EDNRA: variants seen among roughly 807,000 people sequenced by gnomAD.
EDNRA encodes endothelin-1 receptor.
A neutral mutation model predicts 41.4 loss-of-function variants in EDNRA; 11 were observed. That is an observed-to-expected ratio of 0.27 (90% CI 0.17 to 0.44). The LOEUF is 0.44. Ranked by LOEUF, EDNRA falls within the 20% of genes least tolerant of loss-of-function variation. The probability of loss-of-function intolerance (pLI) is 1.00; values close to 1 mark genes in which losing one functional copy is unlikely to be tolerated. For synonymous variants in EDNRA, 172 were observed against 183.0 expected (o/e 0.94, Z 0.49); for missense variants, 294 against 531.0 (o/e 0.55, Z 4.39).
At chr4:147,515,011 G>C (rs1730064331) in intron 2 of EDNRA, among the ~76,000 whole-genome samples, 1 of 152,162 alleles carries the variant, frequency 6.6e-6, no homozygotes, top group Admixed American at 6.5e-5. Flanking sequence ...AGCCATCTGT[G>C]TTTCAATGAG....
At chr4:147,503,927 A>G (rs542061662) in intron 2 of EDNRA, among the ~76,000 whole-genome samples, 1 of 152,266 alleles carries the variant, frequency 6.6e-6, no homozygotes, top group African/African-American at 2.4e-5. Flanking sequence ...ATGTTAACAT[A>G]AATGATATAT....
intron 3 of EDNRA, among the ~76,000 whole-genome samples, chr4:147,521,367 C>T (rs1050776115): frequency 2.0e-5 from 3 of 152,116 alleles, no homozygotes; most frequent in Non-Finnish European, 4.4e-5. Context: ...TAATAATACC[C>T]TTCAGTGATT....
intron 2 of EDNRA, among the ~76,000 whole-genome samples, chr4:147,516,097 C>T (rs191345736): frequency 5.6e-4 from 85 of 152,260 alleles, no homozygotes; most frequent in Non-Finnish European, 1.1e-3. Context: ...AAATCCTGGC[C>T]CAGCAGATTG....
At position 147,519,882 on chromosome 4, in the gene EDNRA, A is replaced by AT; in HGVS notation, c.453dup (p.Asp152Ter). 6.2e-7 allele frequency: 1 copy of AT among 1,613,330 alleles called. No homozygotes were observed. Among genetic ancestry groups the AT allele is most frequent in the Non-Finnish European group, 8.5e-7 (1 of 1,179,600 alleles). ...GCTGGGCGCTGGCCTTTTGATCACA[A>AT]TGACTTTGGCGTATTTCTTTGCAAG... is the stretch of plus-strand genomic sequence containing the variant. On this transcript the variant is annotated frameshift_variant, in exon 3 of 8. Coordinates refer to ENST00000651419, the MANE Select transcript of EDNRA (RefSeq NM_001957.4). LOFTEE classifies it high-confidence loss of function. The surrounding 1 kb of genome is among the most constrained non-coding windows in gnomAD (Gnocchi z 4.1).
chr4:147,512,965 G>T (rs748698553), intron 2 of EDNRA, among the ~76,000 whole-genome samples: 14 of 152,118 alleles, frequency 9.2e-5, no homozygotes, highest in Non-Finnish European at 1.6e-4. Flanking sequence ...CCTTCCTCTG[G>T]ATTCTCTCTT....
chr4:147,510,802 T>C (rs1729892993), intron 2 of EDNRA, among the ~76,000 whole-genome samples: 1 of 152,212 alleles, frequency 6.6e-6, no homozygotes, highest in African/African-American at 2.4e-5. Flanking sequence ...AAGCACTCTT[T>C]CACGGGAAGA....
intron 2 of EDNRA, among the ~76,000 whole-genome samples, chr4:147,517,134 T>G (rs1405543589): frequency 6.6e-6 from 1 of 152,202 alleles, no homozygotes; most frequent in African/African-American, 2.4e-5. Flanking sequence ...TTATATAAGC[T>G]TTTATACAGC....
chr4:147,502,027 C>G (rs915704596), intron 2 of EDNRA, among the ~76,000 whole-genome samples: 1 of 152,140 alleles, frequency 6.6e-6, no homozygotes, highest in African/African-American at 2.4e-5. Flanking sequence ...TTAGGCATTT[C>G]TCTTTCCTTT....
Position 147,485,828 on chromosome 4 carries a change from T to TA in EDNRA, c.148dup (p.Thr50AsnfsTer7). On this transcript the variant is annotated frameshift_variant, in exon 2 of 8. Coordinates refer to ENST00000651419, the MANE Select transcript of EDNRA (RefSeq NM_001957.4). LOFTEE classifies it high-confidence loss of function. ...GTGGCACAGAGCTCAGCTTCCTGGT[T>TA]ACCACTCATCAACCCACTAATTTGG... 6.2e-7 allele frequency: 1 copy of TA among 1,614,264 alleles called. No individual in the cohort carries two copies. Among genetic ancestry groups the TA allele is most frequent in the Non-Finnish European group, 8.5e-7 (1 of 1,180,046 alleles).
At chr4:147,514,160 G>GT in intron 2 of EDNRA, among the ~76,000 whole-genome samples, 1 of 152,176 alleles carries the variant, frequency 6.6e-6, no homozygotes. Flanking sequence ...CTTGTGGCAG[G>GT]TATGAGAACT....
intron 3 of EDNRA, chr4:147,520,528 C>T (rs372458706): frequency 5.7e-5 from 29 of 511,416 alleles, no homozygotes; most frequent in African/African-American, 2.1e-4. Context: ...AGAATCCGCA[C>T]GCATGATTGT....
At chr4:147,495,267 T>C (rs1729266602) in intron 2 of EDNRA, 1 of 152,190 alleles carries the variant, frequency 6.6e-6, no homozygotes, top group African/African-American at 2.4e-5. Context: ...GTACTGTTCT[T>C]CCACACACCT....
At chr4:147,505,615 T>G (rs1458984384) in intron 2 of EDNRA, among the ~76,000 whole-genome samples, 2 of 149,670 alleles carry the variant, frequency 1.3e-5, no homozygotes, top group Non-Finnish European at 3.0e-5. Context: ...GTGCTGTGAT[T>G]ACAGGCGTAA....
chr4:147,502,495 G>C (rs1424567898), intron 2 of EDNRA, among the ~76,000 whole-genome samples: 1 of 152,168 alleles, frequency 6.6e-6, no homozygotes, highest in East Asian at 1.9e-4. Flanking sequence ...AACTTGAACA[G>C]CTTTTTGATA....
At chr4:147,512,506 A>G (rs757385044) in intron 2 of EDNRA, among the ~76,000 whole-genome samples, 5 of 152,246 alleles carry the variant, frequency 3.3e-5, no homozygotes, top group African/African-American at 4.8e-5. Flanking sequence ...ATCTCTTTCC[A>G]TCTAAATGCA....
At chr4:147,533,123 TGG>T (rs1730809927) in intron 4 of EDNRA, among the ~76,000 whole-genome samples, 1 of 152,166 alleles carries the variant, frequency 6.6e-6, no homozygotes, top group Non-Finnish European at 1.5e-5. Flanking sequence ...TTATGTCACT[TGG>T]GGAGAAGCAC....
chr4:147,512,020 T>G (rs942014281), intron 2 of EDNRA, among the ~76,000 whole-genome samples: 1 of 152,212 alleles, frequency 6.6e-6, no homozygotes, highest in Admixed American at 6.5e-5. Flanking sequence ...CTCTCCATTA[T>G]GAATTAAACC....
In EDNRA at chr4:147,505,215, A is replaced by AG. The variant is rs1046606347; in HGVS notation, c.421-14636_421-14635insG. Among the ~76,000 whole-genome samples the AG allele has an allele frequency of 1.9e-3, 252 of 134,630 alleles. 3 individuals carry two copies. The highest frequency in any genetic ancestry group is 6.9e-3 in the African/African-American group (231 of 33,318). The allele number at this position is 134,630 out of a possible 152,430, so 88.3% of individuals were successfully genotyped here. ...ATGGCTAAAATGTAAAAAAAAAAAA[A>AG]AGAGAGAGAGAGAGAGAGACAACAT... On this transcript the variant is annotated intron_variant, in intron 2 of 7. Transcript: ENST00000651419.
Position 147,481,124 on chromosome 4 carries a change from G to T in EDNRA, c.-323G>T, listed in dbSNP as rs1728734819. ...TCATCCCGCTGGTCTGACGATTGTG[G>T]AGAGGCGGTGGAGAGGCTTCATCCA... On this transcript the variant is annotated 5_prime_UTR_variant, in exon 1 of 8. Coordinates refer to ENST00000651419, the MANE Select transcript of EDNRA (RefSeq NM_001957.4). 6.6e-6 allele frequency: 1 copy of T among 152,306 alleles called. No individual in the cohort carries two copies. Among genetic ancestry groups the T allele is most frequent in the Non-Finnish European group, 1.5e-5 (1 of 68,144 alleles). The allele number at this position is 152,306 out of a possible 1,614,324, so 9.4% of individuals were successfully genotyped here.
Sources: gnomAD v4.1 joint callset for allele counts (sites outside exome capture counted in the v4.1 genomes callset) on GRCh38, gnomAD v4.1.1 for gene constraint, Gnocchi (gnomAD v3.1) non-coding constraint, MANE v1.5 for transcripts, NCBI Gene and HGNC (gene_info 2026-07-23, HGNC 2026-07-21) for gene names.